Variants in CDC25A observed in about 807,000 individuals in gnomAD.
CDC25A encodes cell division cycle 25A, also known as M-phase inducer phosphatase 1.
In CDC25A, 17 loss-of-function variants were observed where a neutral mutation model predicts 64.6. The observed-to-expected ratio is 0.26, with a 90% CI of 0.18 to 0.39. The LOEUF is 0.39. Among genes scored for constraint, CDC25A ranks in the 10% least tolerant of loss-of-function variants. The pLI is 1.00. For missense variants in CDC25A, 473 were observed against 654.8 expected, an observed-to-expected ratio of 0.72 and a Z score of 3.03; for synonymous variants, 229 against 238.6, an observed-to-expected ratio of 0.96 and a Z score of 0.37.
chr3:48,158,052 C>T lies in CDC25A; in HGVS notation c.*893G>A, dbSNP rs1462932931. 3 of 152,532 alleles carry T rather than the reference C, an allele frequency of 2.0e-5. No homozygotes were observed. Among genetic ancestry groups the T allele is most frequent in the African/African-American group, 7.3e-5 (3 of 41,374 alleles). 9.4% of individuals were successfully genotyped at this position (152,532 alleles called of 1,614,324 possible). ...ACACTGCAACATTCCAGCACTGAGC[C>T]GGGGGTGGCCCAACAGATGCTGCCT... On this transcript the variant is annotated 3_prime_UTR_variant, in exon 15 of 15. Transcript: ENST00000302506.
chr3:48,187,960 C>A lies in CDC25A; in HGVS notation c.-13G>T. On this transcript the variant is annotated 5_prime_UTR_variant, in exon 1 of 15. Coordinates refer to ENST00000302506, the MANE Select transcript of CDC25A (RefSeq NM_001789.3). Reference sequence around the variant, plus strand: ...GGCCCAGTTCCATGGCGGCGCCCGGCCTCGCAGAGCTCCCGCTCCCTCTTC... The same window carrying A: ...GGCCCAGTTCCATGGCGGCGCCCGGACTCGCAGAGCTCCCGCTCCCTCTTC... 1 of 1,464,926 alleles carries A rather than the reference C, an allele frequency of 6.8e-7. No homozygotes were observed. Among genetic ancestry groups the A allele is most frequent in the Non-Finnish European group, 9.0e-7 (1 of 1,114,024 alleles). The allele number at this position is 1,464,926 out of a possible 1,614,324, so 90.7% of individuals were successfully genotyped here. A position where few individuals can be genotyped will look rare whatever the true frequency, so the allele number is the denominator to read the frequency against.
chr3:48,177,514 G>A, intron 7 of CDC25A, 72 bp from the exon 8 acceptor site: 1 of 1,146,206 alleles, frequency 8.7e-7, no homozygotes, highest in Non-Finnish European at 1.3e-6. Context: ...CTTTAGGTGT[G>A]TTTCTCCCTG....
chr3:48,159,002 C>A lies in CDC25A; in HGVS notation c.1518G>T (p.Arg506=). The A allele has an allele frequency of 3.1e-6, 5 of 1,614,154 alleles. No homozygotes were observed. The highest frequency in any genetic ancestry group is 4.2e-6 in the Non-Finnish European group (5 of 1,180,024). Residue 506 remains arginine (R), a synonymous_variant, in exon 15 of 15, where the codon CGG becomes CGT. Transcript: ENST00000302506. ...EDLKKFRTKS[R]TWAGEKSKRE... is the part of the protein sequence containing the mutation. The stretch of plus-strand genomic sequence containing the variant: ...TCTTGCTCTTCTCCCCTGCCCAGGT[C>A]CGGCTCTTGGTGCGGAACTTCTTCA...
At chr3:48,172,199 C>G (rs1235827553) in intron 9 of CDC25A, among the ~76,000 whole-genome samples, 1 of 152,098 alleles carries the variant, frequency 6.6e-6, no homozygotes, top group Admixed American at 6.6e-5. Flanking sequence ...CAAAACCAAA[C>G]AACTCTCCCA....
intron 9 of CDC25A, among the ~76,000 whole-genome samples, chr3:48,172,650 G>A (rs181877085): frequency 1.3e-5 from 2 of 152,326 alleles, no homozygotes; most frequent in Admixed American, 1.3e-4. Flanking sequence ...ATTGCCCTGA[G>A]CCCAGGAGTT....
chr3:48,187,007 A>G (rs1408773774), intron 1 of CDC25A, among the ~76,000 whole-genome samples: 2 of 152,196 alleles, frequency 1.3e-5, no homozygotes, highest in African/African-American at 2.4e-5. Flanking sequence ...ATTGCAGGTT[A>G]TGATGGCTAT....
chr3:48,170,891 T>C (rs2032245161), intron 9 of CDC25A, among the ~76,000 whole-genome samples: 1 of 152,138 alleles, frequency 6.6e-6, no homozygotes, highest in African/African-American at 2.4e-5. Context: ...ATGATAACTG[T>C]ACTCTAGCAA....
intron 10 of CDC25A, among the ~76,000 whole-genome samples, chr3:48,166,260 G>A (rs559405883): frequency 6.6e-6 from 1 of 152,290 alleles, no homozygotes; most frequent in Non-Finnish European, 1.5e-5. Context: ...TCCAGCCTGG[G>A]TGACAGAGCA....
At position 48,187,956 on chromosome 3, in the gene CDC25A, C is replaced by A. The variant is rs1457559158; in HGVS notation, c.-9G>T. ...TCCGGGCCCAGTTCCATGGCGGCGC[C>A]CGGCCTCGCAGAGCTCCCGCTCCCT... On this transcript the variant is annotated 5_prime_UTR_variant, in exon 1 of 15. Transcript: ENST00000302506. The A allele has an allele frequency of 6.8e-7, 1 of 1,476,796 alleles. No homozygotes were observed. The highest frequency in any genetic ancestry group is 1.5e-5 in the African/African-American group (1 of 68,396). 91.5% of individuals were successfully genotyped at this position (1,476,796 alleles called of 1,614,324 possible). A position where few individuals can be genotyped will look rare whatever the true frequency, so the allele number is the denominator to read the frequency against.
intron 8 of CDC25A, among the ~76,000 whole-genome samples, chr3:48,176,558 T>TATATAA (rs1491490773): frequency 1.5e-5 from 2 of 134,666 alleles, no homozygotes; most frequent in Non-Finnish European, 3.2e-5. Context: ...TATATATATA[T>TATATAA]AAAATATATA....
At chr3:48,186,923 T>G in intron 1 of CDC25A, 144 bp from the exon 2 acceptor site, 7 of 608,720 alleles carry the variant, frequency 1.1e-5, no homozygotes, top group Non-Finnish European at 1.7e-5. Flanking sequence ...AGATCCCACT[T>G]TGCCACTCTG....
rs3731493 is a variant in CDC25A, at chr3:48,186,804, G to A, written c.171-25C>T. ...ACTGAAACCAACAGAAATAAACCAT[G>A]AATGATTTATAGGATATAATTAAAA... On this transcript the variant is annotated intron_variant, in intron 1 of 14. Transcript: ENST00000302506. 8.5e-3 allele frequency: 12,381 copies of A among 1,450,038 alleles called. 738 individuals carry two copies. In the African/African-American group the frequency reaches 0.14, roughly 16 times the overall value. The allele number at this position is 1,450,038 out of a possible 1,614,324, so 89.8% of individuals were successfully genotyped here.
At chr3:48,178,564 T>A (rs1000812026) in intron 6 of CDC25A, among the ~76,000 whole-genome samples, 4 of 152,242 alleles carry the variant, frequency 2.6e-5, no homozygotes, top group African/African-American at 7.2e-5. Flanking sequence ...TATAATCCAA[T>A]AGAAGCCTCA....
chr3:48,185,481 T>C (rs1214222798), intron 2 of CDC25A, among the ~76,000 whole-genome samples: 1 of 151,034 alleles, frequency 6.6e-6, no homozygotes, highest in African/African-American at 2.4e-5. Flanking sequence ...CTCAGCACTT[T>C]GGGAGGTCGA....
chr3:48,169,806 G>A (rs551505328), intron 9 of CDC25A, among the ~76,000 whole-genome samples: 1 of 152,158 alleles, frequency 6.6e-6, no homozygotes, highest in Admixed American at 6.5e-5. Flanking sequence ...TCAGGGGTTC[G>A]AGACCAGCCT....
chr3:48,170,019 A>G (rs906964781), intron 9 of CDC25A, among the ~76,000 whole-genome samples: 1 of 151,790 alleles, frequency 6.6e-6, no homozygotes, highest in Non-Finnish European at 1.5e-5. Flanking sequence ...AAAAAAAAAA[A>G]CAAACAAAAA....
Position 48,187,933 on chromosome 3 carries a change from C to G in CDC25A, c.15G>C (p.Pro5=), listed in dbSNP as rs1330870993. The G allele has an allele frequency of 4.6e-6, 7 of 1,520,278 alleles. No homozygotes were observed. In the Admixed American group the frequency reaches 8.0e-5, roughly 17 times the overall value. The allele number at this position is 1,520,278 out of a possible 1,614,324, so 94.2% of individuals were successfully genotyped here. A position where few individuals can be genotyped will look rare whatever the true frequency, so the allele number is the denominator to read the frequency against. MELG[P]EPPHRRRLLF... is the part of the protein sequence containing the mutation. ...GCAGGCGGCGGCGGTGCGGGGGCTC[C>G]GGGCCCAGTTCCATGGCGGCGCCCG... Residue 5 remains proline (P), a synonymous_variant, in exon 1 of 15, where the codon CCG becomes CCC. Transcript: ENST00000302506.
At chr3:48,180,666 T>C in intron 6 of CDC25A, 55 bp downstream of exon 6, 2 of 1,584,248 alleles carry the variant, frequency 1.3e-6, no homozygotes, top group South Asian at 1.1e-5. Flanking sequence ...TGAAAGAAGG[T>C]GTTTTAATCC....
Position 48,180,801 on chromosome 3 carries a change from G to GTA in CDC25A, c.468_469insTA (p.Arg157TyrfsTer52). On this transcript the variant is annotated frameshift_variant, in exon 6 of 15. Transcript: ENST00000302506. LOFTEE classifies it high-confidence loss of function. ...AGTCCATGAGAGTGCAGGCAGCCACGAGATACAGGTCTTACTGGCTTCTTA... is the reference window on the plus strand; with the variant it reads ...AGTCCATGAGAGTGCAGGCAGCCACGTAAGATACAGGTCTTACTGGCTTCTTA... 3 of 1,613,900 alleles carry GTA rather than the reference G, an allele frequency of 1.9e-6. No homozygotes were observed. Among genetic ancestry groups the GTA allele is most frequent in the Non-Finnish European group, 1.7e-6 (2 of 1,179,808 alleles).
Sources: gnomAD v4.1 joint callset for allele counts (sites outside exome capture counted in the v4.1 genomes callset) on GRCh38, gnomAD v4.1.1 for gene constraint, MANE v1.5 for transcripts, NCBI Gene and HGNC (gene_info 2026-07-23, HGNC 2026-07-21) for gene names.